The following SERPINB11 variants were observed in gnomAD, a reference collection of about 807,000 sequenced individuals.
SERPINB11 encodes serpin family B member 11.
A neutral mutation model predicts 36.7 loss-of-function variants in SERPINB11; 32 were observed. That is an observed-to-expected ratio of 0.87 (90% CI 0.66 to 1.17). SERPINB11 has a LOEUF of 1.17. Among genes scored for constraint, SERPINB11 ranks in the 50% most tolerant of loss-of-function variants. SERPINB11 has a pLI of 0.00. For missense variants in SERPINB11, 528 were observed against 458.4 expected, an observed-to-expected ratio of 1.15 and a Z score of -1.39; for synonymous variants, 174 against 168.1, an observed-to-expected ratio of 1.04 and a Z score of -0.27.
At chr18:63,711,727 A>G (rs1416963944) in intron 3 of SERPINB11, among the ~76,000 whole-genome samples, 2 of 152,158 alleles carry the variant, frequency 1.3e-5, no homozygotes, top group African/African-American at 4.8e-5. Context: ...GGACTGAGAA[A>G]GGACCCTGAT....
At chr18:63,704,818 T>C (rs1211545710) in intron 1 of SERPINB11, among the ~76,000 whole-genome samples, 1 of 152,146 alleles carries the variant, frequency 6.6e-6, no homozygotes. Context: ...AAGTTGGCCA[T>C]TTCCTTTACA....
At chr18:63,708,742 G>C (rs901534706) in intron 1 of SERPINB11, among the ~76,000 whole-genome samples, 4 of 152,170 alleles carry the variant, frequency 2.6e-5, no homozygotes, top group African/African-American at 9.7e-5. Flanking sequence ...CATAAATGTG[G>C]GAGCTAATAG....
Position 63,723,416 on chromosome 18 carries a change from A to C in SERPINB11, c.*17A>C, listed in dbSNP as rs546677118. On this transcript the variant is annotated 3_prime_UTR_variant, in exon 8 of 8. Coordinates refer to ENST00000544088, the MANE Select transcript of SERPINB11 (RefSeq NM_001370475.1). ...TCTCCCTAATCAGATGGGGTTGAGC[A>C]AGGCTCAGAGTTGCAGATGAGGTGC... 1 of 1,570,948 alleles carries C rather than the reference A, an allele frequency of 6.4e-7. No homozygotes were observed. Among genetic ancestry groups the C allele is most frequent in the East Asian group, 2.3e-5 (1 of 44,432 alleles).
At chr18:63,707,170 C>T (rs1301764876) in intron 1 of SERPINB11, among the ~76,000 whole-genome samples, 1 of 152,150 alleles carries the variant, frequency 6.6e-6, no homozygotes, top group Non-Finnish European at 1.5e-5. Context: ...CACATGACTC[C>T]ATGAAATCTG....
Position 63,720,538 on chromosome 18 carries a change from T to A in SERPINB11, c.619-293T>A, listed in dbSNP as rs191929141. 39 of 381,386 alleles carry A rather than the reference T, an allele frequency of 1.0e-4. No individual in the cohort carries two copies. In the East Asian group the frequency reaches 1.6e-3, roughly 16 times the overall value. The allele number at this position is 381,386 out of a possible 1,614,324, so 23.6% of individuals were successfully genotyped here. A position where few individuals can be genotyped will look rare whatever the true frequency, so the allele number is the denominator to read the frequency against. On this transcript the variant is annotated intron_variant, in intron 6 of 7. Transcript: ENST00000544088. ...AAAAAGAAAATGATTTAATGATATA[T>A]CCTTTTTCTTCCCACTAAAATCATG...
At chr18:63,721,072 C>G in intron 7 of SERPINB11, 86 bp downstream of exon 7, 1 of 1,207,510 alleles carries the variant, frequency 8.3e-7, no homozygotes, top group African/African-American at 1.5e-5. Context: ...TATCTCATGA[C>G]ATTAGCGTAG....
chr18:63,711,278 C>G (rs1914514517), intron 2 of SERPINB11, 57 bp from the exon 3 acceptor site: 2 of 1,187,070 alleles, frequency 1.7e-6, no homozygotes, highest in South Asian at 1.2e-5. Context: ...AACTGTCAAC[C>G]TTTATAGACT....
chr18:63,703,906 G>A (rs758516127), intron 1 of SERPINB11, among the ~76,000 whole-genome samples: 21 of 152,198 alleles, frequency 1.4e-4, no homozygotes, highest in Non-Finnish European at 2.9e-4. Flanking sequence ...TACAGTGACA[G>A]ATATCCTTCT....
intron 1 of SERPINB11, among the ~76,000 whole-genome samples, chr18:63,708,780 T>C (rs1273154480): frequency 6.6e-6 from 1 of 152,188 alleles, no homozygotes; most frequent in East Asian, 1.9e-4. Flanking sequence ...AGGAATGAGG[T>C]TGGATGAGAT....
At chr18:63,709,564 TCG>T (rs1394123286) in intron 1 of SERPINB11, among the ~76,000 whole-genome samples, 40 of 149,992 alleles carry the variant, frequency 2.7e-4, no homozygotes, top group Middle Eastern at 3.4e-3. Context: ...TGAGCTGAGA[TCG>T]CACCACTGCA....
intron 3 of SERPINB11, among the ~76,000 whole-genome samples, chr18:63,712,275 G>A (rs1914545354): frequency 1.3e-5 from 2 of 152,156 alleles, no homozygotes; most frequent in African/African-American, 4.8e-5. Context: ...TACCCCACTA[G>A]GATCTCTTTA....
At position 63,720,443 on chromosome 18, in the gene SERPINB11, A is replaced by G. The variant is rs577345664; in HGVS notation, c.618+288A>G. ...TATTCTTTCCATATATACTGTGGTT[A>G]TGTTCTCCAGCAGCACACTAAGGCT... On this transcript the variant is annotated intron_variant, in intron 6 of 7. Coordinates refer to ENST00000544088, the MANE Select transcript of SERPINB11 (RefSeq NM_001370475.1). 1.0e-4 allele frequency: 40 copies of G among 394,890 alleles called. No individual in the cohort carries two copies. In the East Asian group the frequency reaches 2.2e-3, roughly 22 times the overall value. The allele number at this position is 394,890 out of a possible 1,614,324, so 24.5% of individuals were successfully genotyped here.
At chr18:63,708,487 G>A (rs1018660590) in intron 1 of SERPINB11, among the ~76,000 whole-genome samples, 1 of 152,136 alleles carries the variant, frequency 6.6e-6, no homozygotes, top group Non-Finnish European at 1.5e-5. Flanking sequence ...GACTAAGAGT[G>A]AGAATAAGAA....
chr18:63,710,472 A>C (rs114363333), intron 2 of SERPINB11, 111 bp downstream of exon 2: 2 of 779,734 alleles, frequency 2.6e-6, no homozygotes, highest in Admixed American at 6.5e-5. Context: ...ATCTTGAGAG[A>C]GAAAAAACAC....
At position 63,723,357 on chromosome 18, in the gene SERPINB11, T is replaced by C. The variant is rs994529642; in HGVS notation, c.1137T>C (p.His379=). 62 of 1,613,438 alleles carry C rather than the reference T, an allele frequency of 3.8e-5. No homozygotes were observed. Among genetic ancestry groups the C allele is most frequent in the Non-Finnish European group, 4.9e-5 (58 of 1,179,658 alleles). Residue 379 remains histidine (H), a synonymous_variant, in exon 8 of 8, where the codon CAT becomes CAC. Transcript: ENST00000544088. The part of the protein sequence containing the change: ...HPFLFFIRHT[H]TNTILFCGKL... Reference sequence around the variant, plus strand: ...TCCTTTTCTTTATAAGGCACACTCATACCAACACGATCCTATTCTGTGGCA... The same window carrying C: ...TCCTTTTCTTTATAAGGCACACTCACACCAACACGATCCTATTCTGTGGCA...
In SERPINB11 at chr18:63,720,978, C is replaced by G. The variant is rs1407915426; in HGVS notation, c.766C>G (p.Leu256Val). ...IILLPVGIAN[L>V]KQIEKQLNSG... The stretch of plus-strand genomic sequence containing the variant: ...TCTGCTTCCAGTAGGCATAGCTAAT[C>G]TGAAACAGGTAAAATTATAAGAATG... Residue 256 changes from leucine to valine, a missense_variant, in exon 7 of 8, where the codon CTG (leucine) becomes GTG (valine). Leu to Val is a conservative substitution (Grantham distance 32). Coordinates refer to ENST00000544088, the MANE Select transcript of SERPINB11 (RefSeq NM_001370475.1). 2 of 1,607,432 alleles carry G rather than the reference C, an allele frequency of 1.2e-6. No homozygotes were observed. The highest frequency in any genetic ancestry group is 3.4e-5 in the Admixed American group (2 of 59,392).
chr18:63,720,766 TAATCAGTACACACACATGTGC>T, intron 6 of SERPINB11, 44 bp from the exon 7 acceptor site: 1 of 1,191,234 alleles, frequency 8.4e-7, no homozygotes, highest in Non-Finnish European at 1.2e-6. Context: ...TTATGCAAGG[TAATCAGTACACACACATGTGC>T]ACTCACATAT....
Position 63,716,147 on chromosome 18 carries a change from C to G in SERPINB11, c.470C>G (p.Thr157Ser), listed in dbSNP as rs1420585950. The change falls in exon 5 of 8, where the codon ACT (threonine) becomes AGT (serine). Residue 157 changes from threonine to serine, a missense_variant. Transcript: ENST00000544088. ...ATTAATGCTTGGGTTGAAAATAAAACTAATGGTAAGGATAAGTCAATATGT... is the reference window on the plus strand; with the variant it reads ...ATTAATGCTTGGGTTGAAAATAAAAGTAATGGTAAGGATAAGTCAATATGT... ...KTINAWVENKTNGKVANLFGK... is the reference protein window; with the variant it reads ...KTINAWVENKSNGKVANLFGK... 6.3e-7 allele frequency: 1 copy of G among 1,579,398 alleles called. No homozygotes were observed. The highest frequency in any genetic ancestry group is 1.7e-5 in the Admixed American group (1 of 58,810).
chr18:63,722,413 G>C (rs561254307), intron 7 of SERPINB11, among the ~76,000 whole-genome samples: 50 of 152,276 alleles, frequency 3.3e-4, no homozygotes, highest in Admixed American at 2.4e-3. Flanking sequence ...TGGAGAATGA[G>C]AAGTCAGTGT....
Sources: gnomAD v4.1 joint callset for allele counts (sites outside exome capture counted in the v4.1 genomes callset) on GRCh38, gnomAD v4.1.1 for gene constraint, MANE v1.5 for transcripts, NCBI Gene and HGNC (gene_info 2026-07-23, HGNC 2026-07-21) for gene names.